The following PCDH15 variants were observed in gnomAD, a reference collection of about 807,000 sequenced individuals.
The protein encoded by PCDH15 is protocadherin related 15.
PCDH15 carries 129 observed loss-of-function variants against 178.5 expected under a neutral mutation model. That is an observed-to-expected ratio of 0.72 (90% CI 0.63 to 0.84). PCDH15 has a LOEUF of 0.84. Among genes scored for constraint, PCDH15 ranks in the 40% least tolerant of loss-of-function variants. The pLI is 0.00. For missense variants in PCDH15, 2,230 were observed against 2,099.9 expected (o/e 1.06, Z -1.21); for synonymous variants, 800 against 732.0 (o/e 1.09, Z -1.50).
intron 3 of PCDH15, among the ~76,000 whole-genome samples, chr10:54,522,087 CAAAAAAAAA>C (rs11313978): frequency 3.4e-5 from 2 of 58,892 alleles, no homozygotes. Context: ...GAATCCATCT[CAAAAAAAAA>C]AAAAAAAAAA....
chr10:54,740,625 C>T (rs546121225), intron 1 of PCDH15, among the ~76,000 whole-genome samples: 8 of 151,842 alleles, frequency 5.3e-5, no homozygotes, highest in Admixed American at 1.3e-4. Flanking sequence ...CATTAATCTA[C>T]GTCCATCAGC....
At chr10:55,162,954 C>T (rs144431895) in intron 2 of PCDH15, among the ~76,000 whole-genome samples, 1 of 152,222 alleles carries the variant, frequency 6.6e-6, no homozygotes, top group Non-Finnish European at 1.5e-5. Context: ...TATTTCAGAA[C>T]CTAAGATTTG....
rs77038019 is a variant in PCDH15, at chr10:54,942,133, G to A, written c.-79-44633C>T. On this transcript the variant is annotated intron_variant, in intron 2 of 5. Transcript: ENST00000458638. The stretch of plus-strand genomic sequence containing the variant: ...ATGGCTTATTCTGACTGTGCTCTTC[G>A]GTCTACACTTTCCTAAACTTTTTCA... Among the ~76,000 whole-genome samples the A allele has an allele frequency of 7.6e-3, 1,148 of 151,968 alleles. 11 individuals carry two copies. The highest frequency in any genetic ancestry group is 0.026 in the African/African-American group (1,097 of 41,472).
intron 1 of PCDH15, among the ~76,000 whole-genome samples, chr10:55,317,166 C>A (rs1457523168): frequency 6.6e-6 from 1 of 152,108 alleles, no homozygotes; most frequent in African/African-American, 2.4e-5. Context: ...ATTTCAACAT[C>A]TTTAAAGTAG....
At chr10:54,563,258 G>A (rs2133400116) in intron 2 of PCDH15, among the ~76,000 whole-genome samples, 1 of 142,134 alleles carries the variant, frequency 7.0e-6, no homozygotes, top group Admixed American at 7.5e-5. Context: ...AATGCCACAA[G>A]CTAAGACTGA....
At chr10:54,592,097 T>C (rs904081703) in intron 2 of PCDH15, among the ~76,000 whole-genome samples, 2 of 152,138 alleles carry the variant, frequency 1.3e-5, no homozygotes, top group Non-Finnish European at 2.9e-5. Context: ...GTGGTAAATA[T>C]AGAGCATACA....
At chr10:54,176,644 T>C (rs144353154) in intron 13 of PCDH15, among the ~76,000 whole-genome samples, 1 of 152,296 alleles carries the variant, frequency 6.6e-6, no homozygotes, top group Non-Finnish European at 1.5e-5. Context: ...GCTTTCTTCC[T>C]TCCATTGGTA....
chr10:53,822,070 C>T lies in PCDH15; in HGVS notation c.4368-1840G>A, dbSNP rs767706131. ...TTTTCAAGTTCTGCTAAGTTTTTAA[C>T]GTGTCTGAGGATGCCTTTTGGTTCT... is the stretch of plus-strand genomic sequence containing the variant. On this transcript the variant is annotated intron_variant, in intron 32 of 37. Transcript: ENST00000644397. The T allele has an allele frequency of 8.1e-6, 13 of 1,613,924 alleles. No individual in the cohort carries two copies. In the East Asian group the frequency reaches 8.9e-5, roughly 11 times the overall value.
chr10:55,506,347 G>A (rs1045545677), intron 2 of PCDH15: 11 of 151,438 alleles, frequency 7.3e-5, no homozygotes, highest in African/African-American at 2.7e-4. Flanking sequence ...CTATTGAATA[G>A]ATAGCTATAG....
chr10:55,213,326 T>C (rs1444363107), intron 1 of PCDH15, among the ~76,000 whole-genome samples: 1 of 152,094 alleles, frequency 6.6e-6, no homozygotes, highest in East Asian at 1.9e-4. Context: ...ATAGAGCTAC[T>C]TGGGAAGTTC....
At chr10:55,513,995 G>A (rs1840950034) in intron 2 of PCDH15, among the ~76,000 whole-genome samples, 1 of 151,898 alleles carries the variant, frequency 6.6e-6, no homozygotes. Flanking sequence ...GATCCATGGG[G>A]CTGGTTGGCA....
rs2384331 is a variant in PCDH15, at chr10:53,900,182, C to T, written c.3501+3061G>A. Among the ~76,000 whole-genome samples the T allele has an allele frequency of 7.3e-3, 1,073 of 146,158 alleles. 9 individuals are homozygous for T. The highest frequency in any genetic ancestry group is 0.028 in the African/African-American group (1,014 of 36,804). ...TTATTATAGCATACACTTGCATAAACACATTCTTTCTCTCTCTCTCTAAAC... is the reference window on the plus strand; with the variant it reads ...TTATTATAGCATACACTTGCATAAATACATTCTTTCTCTCTCTCTCTAAAC... On this transcript the variant is annotated intron_variant, in intron 26 of 37. Transcript: ENST00000644397.
At chr10:54,412,230 A>G (rs1953639545) in intron 3 of PCDH15, among the ~76,000 whole-genome samples, 1 of 149,660 alleles carries the variant, frequency 6.7e-6, no homozygotes, top group African/African-American at 2.4e-5. Flanking sequence ...TTAAAAATAT[A>G]CATCTTCTTA....
intron 13 of PCDH15, among the ~76,000 whole-genome samples, chr10:54,170,232 TC>T: frequency 6.9e-6 from 1 of 144,534 alleles, no homozygotes; most frequent in Admixed American, 7.1e-5. Flanking sequence ...GCCAATCGTG[TC>T]CGACTGATCT....
At chr10:53,903,469 G>T in intron 25 of PCDH15, 99 bp from the exon 26 acceptor site, 1 of 1,436,398 alleles carries the variant, frequency 7.0e-7, no homozygotes, top group Non-Finnish European at 9.7e-7. Context: ...TGGAAACATT[G>T]AAAATAAATC....
chr10:54,430,806 A>G (rs1199398051), intron 3 of PCDH15, among the ~76,000 whole-genome samples: 3 of 152,120 alleles, frequency 2.0e-5, no homozygotes, highest in Non-Finnish European at 4.4e-5. Flanking sequence ...AACAATACAA[A>G]AGAATAATGA....
At chr10:54,215,931 T>C (rs1325021431) in intron 9 of PCDH15, among the ~76,000 whole-genome samples, 1 of 147,194 alleles carries the variant, frequency 6.8e-6, no homozygotes, top group Non-Finnish European at 1.5e-5. Flanking sequence ...TAGTCCCAGC[T>C]ACTTGGGAGG....
chr10:55,416,104 G>A (rs1041965367), intron 2 of PCDH15, among the ~76,000 whole-genome samples: 1 of 151,426 alleles, frequency 6.6e-6, no homozygotes, highest in Non-Finnish European at 1.5e-5. Context: ...GACTCCCAAA[G>A]AAAGACATAT....
intron 25 of PCDH15, among the ~76,000 whole-genome samples, chr10:53,917,786 T>C (rs2133844464): frequency 6.6e-6 from 1 of 152,308 alleles, no homozygotes; most frequent in Middle Eastern, 3.4e-3. Flanking sequence ...TGGGGCCTGG[T>C]GGGAGGTGCT....
Sources: allele counts gnomAD v4.1 joint callset (sites outside exome capture counted in the v4.1 genomes callset), GRCh38; gene constraint gnomAD v4.1.1; transcripts MANE v1.5; gene names NCBI Gene and HGNC (gene_info 2026-07-23, HGNC 2026-07-21).